Variants in TRIOBP observed in about 807,000 individuals in gnomAD.
TRIOBP encodes TRIO and F-actin binding protein.
Under a neutral mutation model 238.8 loss-of-function variants are expected in TRIOBP, and 169 were observed. The observed-to-expected ratio is 0.71, with a 90% CI of 0.62 to 0.80. The LOEUF (loss-of-function observed/expected upper bound fraction) is 0.80. Among genes scored for constraint, TRIOBP ranks in the 30% least tolerant of loss-of-function variants. The pLI is 0.00. For synonymous variants in TRIOBP, 1,150 were observed against 1,274.4 expected, an observed-to-expected ratio of 0.90 and a Z score of 2.08; for missense variants, 2,838 against 3,122.6, an observed-to-expected ratio of 0.91 and a Z score of 2.17.
chr22:37,733,035 T>A (rs752438426), intron 7 of TRIOBP, among the ~76,000 whole-genome samples: 8 of 152,120 alleles, frequency 5.3e-5, no homozygotes. Context: ...CAGATCCCCC[T>A]CCCCACCCAA....
intron 23 of TRIOBP, 54 bp from the exon 24 acceptor site, chr22:37,773,729 T>C (rs972025736): frequency 1.3e-5 from 2 of 152,554 alleles, no homozygotes; most frequent in African/African-American, 4.8e-5. Context: ...GGCCTTGGGG[T>C]GGCCTCGCAG....
chr22:37,750,833 C>A, intron 11 of TRIOBP: 1 of 443,004 alleles, frequency 2.3e-6, no homozygotes, highest in East Asian at 7.1e-5. Flanking sequence ...CCACTGTCAC[C>A]GCCCACTCCA....
At chr22:37,759,641 A>G (rs537335675) in intron 17 of TRIOBP, 165 of 1,533,558 alleles carry the variant, frequency 1.1e-4, no homozygotes, top group Non-Finnish European at 1.7e-5. Context: ...CACTCCCTGA[A>G]CACAGGGAAA....
At chr22:37,700,266 A>ATTT (rs35388184) in intron 2 of TRIOBP, among the ~76,000 whole-genome samples, 9 of 134,526 alleles carry the variant, frequency 6.7e-5, no homozygotes, top group Non-Finnish European at 9.4e-5. Flanking sequence ...GGGAATCTAG[A>ATTT]TTTTTTTTTT....
chr22:37,722,234 A>G (rs965463674), intron 6 of TRIOBP, among the ~76,000 whole-genome samples: 3 of 152,118 alleles, frequency 2.0e-5, no homozygotes, highest in African/African-American at 7.2e-5. Context: ...GCTGTCGCAC[A>G]GGAAACAGGC....
chr22:37,697,340 A>C (rs928570115), intron 1 of TRIOBP, among the ~76,000 whole-genome samples: 3 of 152,148 alleles, frequency 2.0e-5, no homozygotes, highest in Admixed American at 2.0e-4. Flanking sequence ...GGGCACGTGG[A>C]GTAGAGCCCC....
In TRIOBP at chr22:37,707,679, C is replaced by T. The variant is rs967531735; in HGVS notation, c.115-2748C>T. Among the ~76,000 whole-genome samples, 36 of 151,992 alleles carry T rather than the reference C, an allele frequency of 2.4e-4. 1 individual carries two copies. Among genetic ancestry groups the T allele is most frequent in the African/African-American group, 8.2e-4 (34 of 41,422 alleles). ...AAAATTGGCTGGGAGTGGTGGCTCA[C>T]GTCTGTAATCCCAGCACTTTGGGAG... On this transcript the variant is annotated intron_variant, in intron 3 of 23. Coordinates refer to ENST00000644935, the MANE Select transcript of TRIOBP (RefSeq NM_001039141.3).
chr22:37,754,947 C>G lies in TRIOBP; in HGVS notation c.5450C>G (p.Ser1817Ter). 6.2e-7 allele frequency: 1 copy of G among 1,614,162 alleles called. No individual in the cohort carries two copies. Among genetic ancestry groups the G allele is most frequent in the Non-Finnish European group, 8.5e-7 (1 of 1,180,038 alleles). The change falls in exon 13 of 24, where the codon TCA becomes TGA. Residue 1817 changes from serine (S) to a stop codon, truncating the protein, a stop_gained. Transcript: ENST00000644935. LOFTEE classifies it high-confidence loss of function. ...AAACATTGGTTTGTGCTGACAGATT[C>G]AAGTCTCAAATATTACAGAGACTCC... is the stretch of plus-strand genomic sequence containing the variant. Reference protein sequence around the residue: ...WKKHWFVLTDSSLKYYRDSTA... With the variant: ...WKKHWFVLTD
At chr22:37,765,648 C>T in intron 17 of TRIOBP, 22 bp from the exon 18 acceptor site, 1 of 1,548,946 alleles carries the variant, frequency 6.5e-7, no homozygotes, top group East Asian at 2.4e-5. Context: ...CAGCCTGTGA[C>T]ACCCTGGCGT....
chr22:37,769,069 C>G lies in TRIOBP; in HGVS notation c.6617C>G (p.Ser2206Trp). 6.2e-7 allele frequency: 1 copy of G among 1,613,546 alleles called. No individual in the cohort carries two copies. The highest frequency in any genetic ancestry group is 8.5e-7 in the Non-Finnish European group (1 of 1,180,026). ...EALKRELQVL[S>W]EQYSQKCLEI... The stretch of plus-strand genomic sequence containing the variant: ...CTGAAGCGAGAGCTGCAGGTGCTAT[C>G]GGAGCAGTACTCGCAGAAGTGCCTG... The change falls in exon 20 of 24, where the codon TCG becomes TGG. Residue 2206 changes from serine (S) to tryptophan (W), a missense_variant. Physicochemically the swap from Ser to Trp is radical, Grantham distance 177. This residue lies in a region of TRIOBP where 2,096 missense variants were observed against 2,137.4 expected (regional missense o/e 0.98). Coordinates refer to ENST00000644935, the MANE Select transcript of TRIOBP (RefSeq NM_001039141.3).
At position 37,775,181 on chromosome 22, in the gene TRIOBP, C is replaced by T. The variant is rs1926972978; in HGVS notation, c.*1401C>T. On this transcript the variant is annotated 3_prime_UTR_variant, in exon 24 of 24. Transcript: ENST00000644935. ...AGGCTGTGAGAACCCAGAGGAGACC[C>T]TGACCCAGCCTGCAGGTAGAAGACT... 2 of 152,186 alleles carry T rather than the reference C, an allele frequency of 1.3e-5. No homozygotes were observed. The highest frequency in any genetic ancestry group is 2.1e-4 in the South Asian group (1 of 4,820). The allele number at this position is 152,186 out of a possible 1,614,324, so 9.4% of individuals were successfully genotyped here. A position where few individuals can be genotyped will look rare whatever the true frequency, so the allele number is the denominator to read the frequency against.
At chr22:37,767,080 GTC>G (rs752935433) in intron 18 of TRIOBP, among the ~76,000 whole-genome samples, 1 of 152,014 alleles carries the variant, frequency 6.6e-6, no homozygotes, top group African/African-American at 2.4e-5. Context: ...GTGAAACCCT[GTC>G]TCTACTATGA....
chr22:37,738,732 T>TG lies in TRIOBP; in HGVS notation c.5184+16dup, dbSNP rs1235362644. On this transcript the variant is annotated intron_variant, in intron 10 of 23. Transcript: ENST00000644935. ...GCAGGCAGACTCGGTAGCTGGGTCA[T>TG]GGGTGTGGGTACATACGGTGGGGAA... 6.2e-7 allele frequency: 1 copy of TG among 1,613,470 alleles called. No individual in the cohort carries two copies. Among genetic ancestry groups the TG allele is most frequent in the East Asian group, 2.2e-5 (1 of 44,872 alleles).
chr22:37,759,609 G>A, intron 17 of TRIOBP: 1 of 1,553,708 alleles, frequency 6.4e-7, no homozygotes, highest in Non-Finnish European at 8.6e-7. Flanking sequence ...CGGGGAAGTG[G>A]GGGGCTAGTG....
chr22:37,755,417 A>G, intron 14 of TRIOBP, 133 bp from the exon 15 acceptor site: 3 of 954,632 alleles, frequency 3.1e-6, no homozygotes, highest in Non-Finnish European at 3.3e-6. Flanking sequence ...GAGGTTTTGT[A>G]CCCCCTGCCC....
intron 11 of TRIOBP, among the ~76,000 whole-genome samples, chr22:37,743,177 G>C (rs1328100738): frequency 6.6e-6 from 1 of 152,222 alleles, no homozygotes; most frequent in African/African-American, 2.4e-5. Context: ...GGGAAATGAA[G>C]AGCTAGGGAT....
intron 12 of TRIOBP, among the ~76,000 whole-genome samples, chr22:37,752,838 A>C (rs1925696085): frequency 6.6e-6 from 1 of 152,124 alleles, no homozygotes; most frequent in African/African-American, 2.4e-5. Context: ...TCCGAACTGG[A>C]AGGGCCCTGG....
chr22:37,706,066 A>G (rs60411156), intron 3 of TRIOBP, among the ~76,000 whole-genome samples: 28,771 of 152,008 alleles, frequency 0.19, 5,024 homozygotes, highest in African/African-American at 0.47. Context: ...AAATGGACAC[A>G]TTTCCGAACT....
intron 17 of TRIOBP, among the ~76,000 whole-genome samples, chr22:37,764,683 G>A (rs1317160288): frequency 2.6e-5 from 4 of 152,298 alleles, no homozygotes; most frequent in East Asian, 1.9e-4. Context: ...AACACACACC[G>A]TTGTGGCGGA....
Sources: allele counts gnomAD v4.1 joint callset (sites outside exome capture counted in the v4.1 genomes callset), GRCh38; gene constraint gnomAD v4.1.1; regional missense constraint gnomAD v4.1.1; transcripts MANE v1.5; gene names NCBI Gene and HGNC (gene_info 2026-07-23, HGNC 2026-07-21).